The following C13orf46 variants were observed in gnomAD, a reference collection of about 807,000 sequenced individuals.
The protein encoded by C13orf46 is chromosome 13 open reading frame 46, also known as uncharacterized protein C13orf46.
At chr13:113,967,602 G>A (rs2052662641) in intron 4 of C13orf46, among the ~76,000 whole-genome samples, 1 of 152,164 alleles carries the variant, frequency 6.6e-6, no homozygotes, top group Non-Finnish European at 1.5e-5. Context: ...AGGTGCCCAT[G>A]TAGGAGAAGG....
At chr13:113,941,354 T>G in the C13orf46 span, among the ~76,000 whole-genome samples, 1 of 6,582 alleles carries the variant, frequency 1.5e-4, no homozygotes, top group Admixed American at 1.1e-3. Flanking sequence ...GGACTCCGTG[T>G]GTGAGGCTGA....
At chr13:113,933,088 C>T in the C13orf46 span, among the ~76,000 whole-genome samples, 3 of 152,298 alleles carry the variant, frequency 2.0e-5, no homozygotes, top group South Asian at 6.2e-4. Flanking sequence ...TGGTCTTGAA[C>T]TCCTGACCTC....
At chr13:113,935,006 T>G in the C13orf46 span, among the ~76,000 whole-genome samples, 3 of 152,340 alleles carry the variant, frequency 2.0e-5, no homozygotes, top group South Asian at 4.1e-4. Context: ...AATCCTGGCC[T>G]TCTTCCCTTC....
At chr13:113,949,062 A>G (rs1434075897), downstream of C13orf46, among the ~76,000 whole-genome samples, 8 of 152,322 alleles carry the variant, frequency 5.3e-5, no homozygotes, top group South Asian at 4.1e-4. Context: ...GGGAGGGGCC[A>G]GAGATTGAGT....
chr13:113,951,935 C>CT (rs2052490538), downstream of C13orf46, among the ~76,000 whole-genome samples: 1 of 152,230 alleles, frequency 6.6e-6, no homozygotes, highest in Non-Finnish European at 1.5e-5. Flanking sequence ...GTAAGACAAC[C>CT]TATGCCTCTC....
the C13orf46 span, among the ~76,000 whole-genome samples, chr13:113,931,442 G>T: frequency 2.0e-5 from 3 of 152,158 alleles, no homozygotes; most frequent in Non-Finnish European, 4.4e-5. Context: ...TTCAGGGAGG[G>T]GCAATGCACA....
chr13:113,966,806 A>T (rs1345445191), intron 5 of C13orf46, among the ~76,000 whole-genome samples: 1 of 152,014 alleles, frequency 6.6e-6, no homozygotes, highest in Non-Finnish European at 1.5e-5. Context: ...GATGATGATG[A>T]TACCCCATGA....
the C13orf46 span, among the ~76,000 whole-genome samples, chr13:113,939,474 G>C: frequency 6.6e-6 from 1 of 151,936 alleles, no homozygotes; most frequent in Non-Finnish European, 1.5e-5. Flanking sequence ...CCACCTGGAC[G>C]GGGGGAACGG....
intron 5 of C13orf46, among the ~76,000 whole-genome samples, chr13:113,966,902 C>T (rs2052655871): frequency 6.6e-6 from 1 of 152,034 alleles, no homozygotes; most frequent in African/African-American, 2.4e-5. Context: ...AATATGATTC[C>T]TACTTTATAG....
chr13:113,946,059 T>C, the C13orf46 span, among the ~76,000 whole-genome samples: 1 of 111,458 alleles, frequency 9.0e-6, no homozygotes, highest in South Asian at 2.3e-4. Flanking sequence ...CGTGAGTGAA[T>C]GCCGCGTTTA....
At chr13:113,951,373 T>G (rs2052488008), downstream of C13orf46, among the ~76,000 whole-genome samples, 1 of 152,158 alleles carries the variant, frequency 6.6e-6, no homozygotes, top group African/African-American at 2.4e-5. Context: ...GGCGGGGCCT[T>G]TGCTTGTGGG....
chr13:113,945,656 G>GAAAGAAAGAA, the C13orf46 span, among the ~76,000 whole-genome samples: 3 of 137,716 alleles, frequency 2.2e-5, no homozygotes, highest in African/African-American at 8.0e-5. Flanking sequence ...AAGAAAGAAA[G>GAAAGAAAGAA]AAAGAAAGAA....
intron 6 of C13orf46, among the ~76,000 whole-genome samples, 167 bp from the exon 7 acceptor site, chr13:113,957,006 C>A (rs1344997101): frequency 6.6e-6 from 1 of 151,874 alleles, no homozygotes; most frequent in South Asian, 2.1e-4. Context: ...CTCCCCTGTA[C>A]CTGCATATGC....
At position 113,962,330 on chromosome 13, in the gene C13orf46, T is replaced by C. The variant is rs911911847; in HGVS notation, c.572+2597A>G. Among the ~76,000 whole-genome samples the C allele has an allele frequency of 4.2e-3, 632 of 152,140 alleles. 7 individuals are homozygous for C. The highest frequency in any genetic ancestry group is 0.015 in the African/African-American group (605 of 41,516). On this transcript the variant is annotated intron_variant, in intron 6 of 6. Coordinates refer to ENST00000636427, the MANE Select transcript of C13orf46 (RefSeq NM_001365455.2). The stretch of plus-strand genomic sequence containing the variant: ...CTGAGGCAGGAGAATGGCGTGAACC[T>C]GGGGGGCGGAGCTTGCAGTGAGCCG...
the C13orf46 span, among the ~76,000 whole-genome samples, chr13:113,938,445 C>T: frequency 6.6e-6 from 1 of 152,200 alleles, no homozygotes; most frequent in East Asian, 1.9e-4. Context: ...TGGCCCACGG[C>T]CCATCTTCAA....
chr13:113,965,842 ATGATGGTGATGGTGG>A (rs1331701900), intron 5 of C13orf46, among the ~76,000 whole-genome samples: 11,406 of 147,612 alleles, frequency 0.077, 569 homozygotes, highest in South Asian at 0.18. Flanking sequence ...GGTGATGGTG[ATGATGGTGATGGTGG>A]TGATGATGGT....
chr13:113,953,640 T>C (rs960554831), downstream of C13orf46: 53,890 of 152,106 alleles, frequency 0.35, 9,976 homozygotes, highest in East Asian at 0.47. Context: ...GTCCTAGAGG[T>C]GGCTGCCGCC....
the C13orf46 span, among the ~76,000 whole-genome samples, chr13:113,946,508 C>A: frequency 6.6e-6 from 1 of 152,202 alleles, no homozygotes; most frequent in Non-Finnish European, 1.5e-5. Flanking sequence ...CTGTGTGGGT[C>A]GTCAGCCGGG....
intron 6 of C13orf46, 75 bp from the exon 7 acceptor site, chr13:113,956,914 C>A (rs1186527916): frequency 6.6e-6 from 1 of 152,388 alleles, no homozygotes; most frequent in Non-Finnish European, 1.5e-5. Flanking sequence ...ACCCCGAGAG[C>A]AGCACCCCCA....
Sources: allele counts gnomAD v4.1 joint callset (sites outside exome capture counted in the v4.1 genomes callset), GRCh38; gene constraint gnomAD v4.1.1; transcripts MANE v1.5; gene names NCBI Gene and HGNC (gene_info 2026-07-23, HGNC 2026-07-21).